Variants in WWOX observed in about 807,000 individuals in gnomAD.
WWOX encodes the protein WW domain containing oxidoreductase.
In WWOX, 69 loss-of-function variants were observed where a neutral mutation model predicts 46.2. That is an observed-to-expected ratio of 1.49 (90% CI 1.23 to 1.82). WWOX has a LOEUF of 1.82. Ranked by LOEUF, WWOX falls within the 40% of genes most tolerant of loss-of-function variation. The pLI, the probability that WWOX is intolerant of heterozygous loss-of-function variation, is 0.00. For missense variants in WWOX, 919 were observed against 542.6 expected (o/e 1.69, Z -6.89); for synonymous variants, 359 against 202.6 (o/e 1.77, Z -6.56).
At chr16:78,616,886 A>G (rs1188979506) in intron 8 of WWOX, among the ~76,000 whole-genome samples, 1 of 152,182 alleles carries the variant, frequency 6.6e-6, no homozygotes, top group Admixed American at 6.5e-5. Flanking sequence ...TGGAGGTTAG[A>G]ATTTCAACAT....
chr16:78,925,557 A>T lies in WWOX; in HGVS notation c.1057-286051A>T, dbSNP rs183063242. Among the ~76,000 whole-genome samples the T allele has an allele frequency of 2.4e-3, 371 of 152,282 alleles. 2 individuals are homozygous for T. Among genetic ancestry groups the T allele is most frequent in the African/African-American group, 8.6e-3 (356 of 41,560 alleles). Reference sequence around the variant, plus strand: ...TTCTGCTTCTTTCCACTAGGGAGCTATTGCTGTAAAACAGAAGGGGTAGTA... The same window carrying T: ...TTCTGCTTCTTTCCACTAGGGAGCTTTTGCTGTAAAACAGAAGGGGTAGTA... On this transcript the variant is annotated intron_variant, in intron 8 of 8. Coordinates refer to ENST00000566780, the MANE Select transcript of WWOX (RefSeq NM_016373.4).
intron 8 of WWOX, among the ~76,000 whole-genome samples, chr16:79,144,253 C>A (rs1474998009): frequency 6.6e-6 from 1 of 152,188 alleles, no homozygotes; most frequent in Non-Finnish European, 1.5e-5. Context: ...GCTCTCCAAT[C>A]CCCCAGCTGT....
At chr16:78,894,938 A>G (rs1055996246) in intron 8 of WWOX, among the ~76,000 whole-genome samples, 1 of 152,166 alleles carries the variant, frequency 6.6e-6, no homozygotes, top group Non-Finnish European at 1.5e-5. Context: ...TCTTATTACG[A>G]TAGTTCCAAT....
intron 8 of WWOX, among the ~76,000 whole-genome samples, chr16:78,792,449 A>G (rs117842923): frequency 0.014 from 2,122 of 152,248 alleles, 28 homozygotes; most frequent in South Asian, 0.021. Flanking sequence ...AGCAAATCAT[A>G]TGGTCGTACT....
intron 8 of WWOX, among the ~76,000 whole-genome samples, chr16:79,000,695 G>A (rs924099399): frequency 6.6e-6 from 1 of 152,288 alleles, no homozygotes; most frequent in South Asian, 2.1e-4. Context: ...GTGGCCTTCT[G>A]ACCTTCAGAA....
intron 8 of WWOX, among the ~76,000 whole-genome samples, chr16:79,175,751 C>A (rs1045270021): frequency 6.6e-6 from 1 of 152,170 alleles, no homozygotes; most frequent in Non-Finnish European, 1.5e-5. Flanking sequence ...TTCAGAGTTA[C>A]TCATACGACT....
chr16:78,817,936 T>G (rs923608844), intron 8 of WWOX, among the ~76,000 whole-genome samples: 1 of 152,124 alleles, frequency 6.6e-6, no homozygotes, highest in African/African-American at 2.4e-5. Context: ...GAGTGCAAGT[T>G]TGTTGTGAAG....
chr16:79,110,265 A>G (rs760883470), intron 8 of WWOX, among the ~76,000 whole-genome samples: 10 of 152,150 alleles, frequency 6.6e-5, no homozygotes, highest in Non-Finnish European at 1.2e-4. Flanking sequence ...ACCACTAGAA[A>G]TGAGAATGCC....
chr16:78,099,850 G>T lies in WWOX; in HGVS notation c.72G>T (p.Glu24Asp). 6.3e-7 allele frequency: 1 copy of T among 1,581,758 alleles called. No individual in the cohort carries two copies. Among genetic ancestry groups the T allele is most frequent in the East Asian group, 2.3e-5 (1 of 42,846 alleles). Residue 24 changes from glutamate (E) to aspartate (D), a missense_variant, in exon 1 of 9, where the codon GAG becomes GAT. Transcript: ENST00000566780. ...SEDELPPGWE[E>D]RTTKDGWVYY... ...ACGAGCTGCCTCCGGGCTGGGAGGA[G>T]AGAACCACCAAGGACGGCTGGGTTT...
At chr16:79,051,246 C>G (rs1373264025) in intron 8 of WWOX, among the ~76,000 whole-genome samples, 5 of 152,164 alleles carry the variant, frequency 3.3e-5, no homozygotes, top group Admixed American at 3.3e-4. Context: ...GAAACTTTTT[C>G]TTGGGAAGTG....
chr16:78,244,749 T>A (rs981359389), intron 5 of WWOX, among the ~76,000 whole-genome samples: 1 of 152,180 alleles, frequency 6.6e-6, no homozygotes, highest in African/African-American at 2.4e-5. Context: ...TCCTGTGGAA[T>A]GAAGTAGGCG....
At chr16:78,948,181 C>G (rs1423684986) in intron 8 of WWOX, among the ~76,000 whole-genome samples, 1 of 152,154 alleles carries the variant, frequency 6.6e-6, no homozygotes, top group Non-Finnish European at 1.5e-5. Flanking sequence ...CGTGGTTTGT[C>G]AGGACATTTA....
intron 8 of WWOX, among the ~76,000 whole-genome samples, chr16:78,445,921 G>A (rs1422596856): frequency 6.6e-6 from 1 of 151,686 alleles, no homozygotes; most frequent in African/African-American, 2.4e-5. Flanking sequence ...AAGAGAAACA[G>A]CTTTACTTAC....
At chr16:78,631,254 C>G (rs910643629) in intron 8 of WWOX, among the ~76,000 whole-genome samples, 1 of 152,120 alleles carries the variant, frequency 6.6e-6, no homozygotes, top group Non-Finnish European at 1.5e-5. Context: ...CGTGACATCT[C>G]ATCCACCCCT....
intron 5 of WWOX, among the ~76,000 whole-genome samples, chr16:78,325,869 T>G (rs2080600038): frequency 1.3e-5 from 2 of 152,216 alleles, no homozygotes; most frequent in African/African-American, 4.8e-5. Flanking sequence ...ATGACAACAA[T>G]GATGATGATT....
intron 8 of WWOX, among the ~76,000 whole-genome samples, chr16:78,881,515 G>A (rs1346099822): frequency 1.3e-5 from 2 of 152,134 alleles, no homozygotes; most frequent in East Asian, 1.9e-4. Context: ...ATTTCGGAGG[G>A]CCAACTATTT....
At chr16:79,171,488 C>G (rs558105046) in intron 8 of WWOX, among the ~76,000 whole-genome samples, 4 of 152,270 alleles carry the variant, frequency 2.6e-5, no homozygotes, top group Admixed American at 1.3e-4. Context: ...CATCAGTTTG[C>G]TACCCAGAAT....
chr16:79,124,442 G>A (rs928615407), intron 8 of WWOX, among the ~76,000 whole-genome samples: 5 of 152,118 alleles, frequency 3.3e-5, no homozygotes, highest in African/African-American at 9.7e-5. Flanking sequence ...ATCATGATAC[G>A]TTAAGGGAAA....
At chr16:78,206,729 A>C (rs992230568) in intron 5 of WWOX, among the ~76,000 whole-genome samples, 2 of 150,924 alleles carry the variant, frequency 1.3e-5, no homozygotes, top group Non-Finnish European at 3.0e-5. Context: ...GTCTTCTCTC[A>C]CCATCAGAAC....
Sources: gnomAD v4.1 joint callset for allele counts (sites outside exome capture counted in the v4.1 genomes callset) on GRCh38, gnomAD v4.1.1 for gene constraint, MANE v1.5 for transcripts, NCBI Gene and HGNC (gene_info 2026-07-23, HGNC 2026-07-21) for gene names.